The following MSH4 variants were observed in gnomAD, a reference collection of about 807,000 sequenced individuals.
The protein encoded by MSH4 is mutS protein homolog 4.
Under a neutral mutation model 113.7 loss-of-function variants are expected in MSH4, and 106 were observed. The observed-to-expected ratio is 0.93, with a 90% CI of 0.80 to 1.10. The LOEUF is 1.10. MSH4 is among the 50% of genes least tolerant of loss of function. MSH4 has a pLI of 0.00. For missense variants in MSH4, 1,061 were observed against 1,093.7 expected (o/e 0.97, Z 0.42); for synonymous variants, 368 against 380.2 (o/e 0.97, Z 0.37).
chr1:75,840,978 A>G (rs916523009), intron 7 of MSH4, among the ~76,000 whole-genome samples: 13 of 152,202 alleles, frequency 8.5e-5, no homozygotes, highest in African/African-American at 3.1e-4. Context: ...TTGTCTTAAA[A>G]GAAGGAGTAG....
intron 8 of MSH4, among the ~76,000 whole-genome samples, chr1:75,866,280 G>A (rs552660613): frequency 1.3e-5 from 2 of 151,796 alleles, no homozygotes; most frequent in Admixed American, 6.6e-5. Flanking sequence ...TCCCACCTCA[G>A]CCTCTATGTA....
chr1:75,842,855 C>T (rs780711695), intron 7 of MSH4, among the ~76,000 whole-genome samples: 1 of 152,164 alleles, frequency 6.6e-6, no homozygotes, highest in Non-Finnish European at 1.5e-5. Flanking sequence ...GACTCTACTC[C>T]TCCACCTCTT....
intron 7 of MSH4, among the ~76,000 whole-genome samples, chr1:75,830,590 TC>T (rs1448703581): frequency 3.3e-5 from 5 of 152,164 alleles, no homozygotes; most frequent in Non-Finnish European, 5.9e-5. Context: ...ACAGCGGATC[TC>T]CCAGCAGAAA....
In MSH4 at chr1:75,877,087, A is replaced by G. The variant is rs5745441; in HGVS notation, c.1370+87A>G. Reference sequence around the variant, plus strand: ...ATTTTAAAGACTCTAATTGTATTCTATGGAACAATTACTTGAGTTTTGGTT... The same window carrying G: ...ATTTTAAAGACTCTAATTGTATTCTGTGGAACAATTACTTGAGTTTTGGTT... On this transcript the variant is annotated intron_variant, in intron 10 of 19. Coordinates refer to ENST00000263187, the MANE Select transcript of MSH4 (RefSeq NM_002440.4). 6,324 of 819,086 alleles carry G rather than the reference A, an allele frequency of 7.7e-3. 47 individuals are homozygous for G. Among genetic ancestry groups the G allele is most frequent in the Non-Finnish European group, 7.7e-3 (4,204 of 545,050 alleles). The allele number at this position is 819,086 out of a possible 1,614,324, so 50.7% of individuals were successfully genotyped here. A position where few individuals can be genotyped will look rare whatever the true frequency, so the allele number is the denominator to read the frequency against.
At chr1:75,840,524 T>TC (rs1553134283) in intron 7 of MSH4, among the ~76,000 whole-genome samples, 2 of 66,644 alleles carry the variant, frequency 3.0e-5, no homozygotes, top group African/African-American at 5.4e-5. Context: ...TGTTGTGGGG[T>TC]GGGGGAGGGG....
rs1651897706 is a variant in MSH4 at position 75,880,078 on chromosome 1, T to G, written c.1706T>G (p.Phe569Cys). 6.3e-7 allele frequency: 1 copy of G among 1,594,936 alleles called. No homozygotes were observed. Among genetic ancestry groups the G allele is most frequent in the Non-Finnish European group, 8.6e-7 (1 of 1,169,152 alleles). The change falls in exon 13 of 20, where the codon TTT becomes TGT. Residue 569 changes from phenylalanine (F) to cysteine (C), a missense_variant. By Grantham distance (205) the Phe-to-Cys change is radical. Coordinates refer to ENST00000263187, the MANE Select transcript of MSH4 (RefSeq NM_002440.4). ...KISKVKNSYS[F>C]TSADLIKMNE... is the part of the protein sequence containing the mutation. ...TCTAAAGTGAAAAATTCTTACAGCT[T>G]TACATCAGCAGATTTAATTAAAATG...
rs3037163 is a variant in MSH4 at position 75,912,674 on chromosome 1, A to AT, written c.2620-10dup. 2.2e-4 allele frequency: 153 copies of AT among 683,956 alleles called. No individual in the cohort carries two copies. The Middle Eastern group carries it at 2.4e-3, about 11-fold the overall frequency. The allele number at this position is 683,956 out of a possible 1,614,324, so 42.4% of individuals were successfully genotyped here. On this transcript the variant is annotated intron_variant, in intron 19 of 19. Transcript: ENST00000263187. ...ATGGTATTTGTGTATATATATATAT[A>AT]TTTTTTTTTTTTCAATGACAGCAAA...
At chr1:75,899,170 A>C (rs1652451334) in intron 18 of MSH4, among the ~76,000 whole-genome samples, 1 of 152,148 alleles carries the variant, frequency 6.6e-6, no homozygotes, top group Non-Finnish European at 1.5e-5. Context: ...TTACTCACCA[A>C]CTGTTACATC....
At chr1:75,870,205 T>G (rs1000588961) in intron 9 of MSH4, among the ~76,000 whole-genome samples, 2 of 152,230 alleles carry the variant, frequency 1.3e-5, no homozygotes, top group Admixed American at 1.3e-4. Flanking sequence ...TTTCTCCCAT[T>G]TGGAATGGGT....
rs2100582980 is a variant in MSH4 at position 75,890,823 on chromosome 1, AG to A, written c.2355+1del. On this transcript the variant is annotated frameshift_variant and splice_region_variant, in exon 17 of 20. Coordinates refer to ENST00000263187, the MANE Select transcript of MSH4 (RefSeq NM_002440.4). LOFTEE classifies it high-confidence loss of function. ...YAVCEYLLSL[K>X]AFTLFATHFL... Reference sequence around the variant, plus strand: ...GTTTGTGAATATCTACTGAGCTTAAAGGTATTCTTTTATTTTAAGTATATTG... The same window carrying A: ...GTTTGTGAATATCTACTGAGCTTAAAGTATTCTTTTATTTTAAGTATATTG... 1 of 1,555,774 alleles carries A rather than the reference AG, an allele frequency of 6.4e-7. No homozygotes were observed. The highest frequency in any genetic ancestry group is 8.8e-7 in the Non-Finnish European group (1 of 1,134,930).
At chr1:75,884,404 G>A (rs1652013874) in intron 15 of MSH4, among the ~76,000 whole-genome samples, 1 of 152,006 alleles carries the variant, frequency 6.6e-6, no homozygotes, top group African/African-American at 2.4e-5. Context: ...TCTGAAAACT[G>A]GGTTTCCTTG....
intron 7 of MSH4, among the ~76,000 whole-genome samples, chr1:75,843,403 G>A (rs1428811896): frequency 6.6e-6 from 1 of 152,142 alleles, no homozygotes; most frequent in Non-Finnish European, 1.5e-5. Flanking sequence ...AAACGAAGGG[G>A]TAAGGGGATT....
chr1:75,884,036 A>G (rs5745487), intron 15 of MSH4, among the ~76,000 whole-genome samples: 2,058 of 152,190 alleles, frequency 0.014, 21 homozygotes, highest in Middle Eastern at 0.044. Context: ...TTGCACTAAA[A>G]TTTTTTTGGG....
chr1:75,866,285 T>TA (rs199893183), intron 8 of MSH4, among the ~76,000 whole-genome samples: 2,143 of 152,056 alleles, frequency 0.014, 50 homozygotes, highest in African/African-American at 0.048. Context: ...CCTCAGCCTC[T>TA]ATGTAGCTGG....
rs764478043 is a variant in MSH4 at position 75,815,064 on chromosome 1, C to T, written c.743C>T (p.Thr248Ile). The change falls in exon 5 of 20, where the codon ACA becomes ATA. Residue 248 changes from threonine (T) to isoleucine (I), a missense_variant. Thr to Ile is a moderately conservative substitution (Grantham distance 89). Coordinates refer to ENST00000263187, the MANE Select transcript of MSH4 (RefSeq NM_002440.4). ...TTIQRKYFNE[T>I]KGLEYIEQLC... ...ATCCAAAGGAAATACTTCAATGAAA[C>T]AAAAGGATTAGAGTACATTGAACAG... The T allele has an allele frequency of 6.2e-7, 1 of 1,605,718 alleles. No individual in the cohort carries two copies. The highest frequency in any genetic ancestry group is 1.1e-5 in the South Asian group (1 of 89,784).
At chr1:75,835,156 G>T (rs1346023405) in intron 7 of MSH4, among the ~76,000 whole-genome samples, 1 of 152,154 alleles carries the variant, frequency 6.6e-6, no homozygotes, top group Non-Finnish European at 1.5e-5. Context: ...TGAAAGTGGT[G>T]CATTCAAATC....
At chr1:75,816,252 G>A in intron 5 of MSH4, 121 bp from the exon 6 acceptor site, 1 of 523,148 alleles carries the variant, frequency 1.9e-6, no homozygotes. Flanking sequence ...GAAATACCTG[G>A]TGTACCTTTT....
chr1:75,803,856 A>G lies in MSH4; in HGVS notation c.370A>G (p.Thr124Ala), dbSNP rs764896520. The change falls in exon 2 of 20, where the codon ACT becomes GCT. Residue 124 changes from threonine to alanine, a missense_variant. Thr to Ala is a moderately conservative substitution (Grantham distance 58). Coordinates refer to ENST00000263187, the MANE Select transcript of MSH4 (RefSeq NM_002440.4). ...YPQTLKTPLS[T>A]GNPQRSGYKS... ...TCAAACACTTAAAACTCCATTGTCT[A>G]CTGGAAATCCTCAGAGATCAGGTTA... The G allele has an allele frequency of 1.9e-6, 3 of 1,597,754 alleles. No homozygotes were observed. Among genetic ancestry groups the G allele is most frequent in the East Asian group, 2.3e-5 (1 of 43,810 alleles).
chr1:75,800,719 A>G (rs1649916120), intron 1 of MSH4, among the ~76,000 whole-genome samples: 1 of 152,222 alleles, frequency 6.6e-6, no homozygotes, highest in Non-Finnish European at 1.5e-5. Context: ...TACTGGTAAT[A>G]AAGAATTAAT....
Sources: allele counts gnomAD v4.1 joint callset (sites outside exome capture counted in the v4.1 genomes callset), GRCh38; gene constraint gnomAD v4.1.1; transcripts MANE v1.5; gene names NCBI Gene and HGNC (gene_info 2026-07-23, HGNC 2026-07-21).